The following TUSC3 variants were observed in gnomAD, a reference collection of about 807,000 sequenced individuals.
TUSC3 encodes dolichyl-diphosphooligosaccharide--protein glycosyltransferase subunit TUSC3.
In TUSC3, 45 loss-of-function variants were observed where a neutral mutation model predicts 44.8. The ratio of observed to expected loss-of-function variants is 1.00; its 90% confidence interval spans 0.79 to 1.29. The LOEUF (loss-of-function observed/expected upper bound fraction) is 1.29. Among genes scored for constraint, TUSC3 ranks in the 50% most tolerant of loss-of-function variants. TUSC3 has a pLI of 0.00. For missense variants in TUSC3, 519 were observed against 437.9 expected (o/e 1.19, Z -1.65); for synonymous variants, 212 against 152.9 (o/e 1.39, Z -2.85).
At chr8:15,575,100 T>C (rs559896117) in intron 1 of TUSC3, among the ~76,000 whole-genome samples, 1 of 152,292 alleles carries the variant, frequency 6.6e-6, no homozygotes, top group African/African-American at 2.4e-5. Flanking sequence ...TATTATTAGA[T>C]TGTCATGTAA....
intron 1 of TUSC3, among the ~76,000 whole-genome samples, chr8:15,612,558 CTTGT>C (rs1263087410): frequency 1.3e-5 from 2 of 152,114 alleles, no homozygotes; most frequent in East Asian, 3.9e-4. Context: ...ATTATGCCAG[CTTGT>C]TTATTATACT....
chr8:15,529,387 A>G (rs1801421890), intron 2 of TUSC3, among the ~76,000 whole-genome samples: 1 of 152,230 alleles, frequency 6.6e-6, no homozygotes, highest in Non-Finnish European at 1.5e-5. Flanking sequence ...AATATGGAAA[A>G]TGGCATTAAG....
chr8:15,460,308 C>T (rs775484803), intron 1 of TUSC3, among the ~76,000 whole-genome samples: 4 of 151,900 alleles, frequency 2.6e-5, no homozygotes, highest in East Asian at 1.9e-4. Flanking sequence ...GCATTTTTTT[C>T]GTATATTTGT....
intron 1 of TUSC3, among the ~76,000 whole-genome samples, chr8:15,472,205 A>C (rs933891573): frequency 4.6e-5 from 7 of 152,222 alleles, no homozygotes; most frequent in Non-Finnish European, 8.8e-5. Flanking sequence ...GTCTTAACTT[A>C]ATGCCTAAAA....
the TUSC3 span, among the ~76,000 whole-genome samples, chr8:15,790,903 A>C: frequency 6.6e-6 from 1 of 152,170 alleles, no homozygotes; most frequent in African/African-American, 2.4e-5. Context: ...CTTCTCAAGG[A>C]GTAGATACTG....
At chr8:15,435,429 C>T (rs1563250166) in intron 1 of TUSC3, among the ~76,000 whole-genome samples, 1 of 152,024 alleles carries the variant, frequency 6.6e-6, no homozygotes, top group South Asian at 2.1e-4. Context: ...AATACATAAA[C>T]TTAAGGAATA....
At chr8:15,826,247 T>C in the TUSC3 span, among the ~76,000 whole-genome samples, 2 of 152,276 alleles carry the variant, frequency 1.3e-5, no homozygotes, top group African/African-American at 4.8e-5. Context: ...AAATTTATGG[T>C]ACTACTCTGG....
chr8:15,661,435 A>T (rs529783955), intron 4 of TUSC3, among the ~76,000 whole-genome samples: 1 of 152,090 alleles, frequency 6.6e-6, no homozygotes, highest in Admixed American at 6.6e-5. Context: ...AAATAGAGTG[A>T]TCCTCATTTG....
intron 2 of TUSC3, among the ~76,000 whole-genome samples, chr8:15,648,612 GC>G (rs748293498): frequency 1.3e-5 from 2 of 151,200 alleles, no homozygotes; most frequent in Non-Finnish European, 2.9e-5. Flanking sequence ...TGTAGTCCCA[GC>G]TACTCGGGAG....
At chr8:15,649,188 A>G (rs1038227699) in intron 2 of TUSC3, among the ~76,000 whole-genome samples, 4 of 152,182 alleles carry the variant, frequency 2.6e-5, no homozygotes, top group African/African-American at 7.2e-5. Flanking sequence ...AAGAAATCAC[A>G]TAAGGTTTTC....
At chr8:15,625,381 T>C (rs1371263613) in intron 2 of TUSC3, among the ~76,000 whole-genome samples, 2 of 152,204 alleles carry the variant, frequency 1.3e-5, no homozygotes, top group African/African-American at 2.4e-5. Context: ...ATGTTACCTA[T>C]TTTAATTTTT....
chr8:15,540,604 G>T, intron 1 of TUSC3, 36 bp downstream of exon 1: 1 of 1,518,098 alleles, frequency 6.6e-7, no homozygotes, highest in Non-Finnish European at 8.9e-7. Flanking sequence ...CCTGTGGGCG[G>T]GGGCGGGCCA....
At chr8:15,721,771 A>C (rs971673444) in intron 6 of TUSC3, among the ~76,000 whole-genome samples, 2 of 152,124 alleles carry the variant, frequency 1.3e-5, no homozygotes, top group African/African-American at 4.8e-5. Context: ...TAAGCAGTTC[A>C]GTCACAGGAC....
At chr8:15,777,798 T>C in the TUSC3 span, among the ~76,000 whole-genome samples, 1 of 152,164 alleles carries the variant, frequency 6.6e-6, no homozygotes, top group African/African-American at 2.4e-5. Flanking sequence ...TTTTAAAATA[T>C]TATATACAGA....
At chr8:15,549,702 G>T (rs1801989979) in intron 1 of TUSC3, among the ~76,000 whole-genome samples, 1 of 151,540 alleles carries the variant, frequency 6.6e-6, no homozygotes, top group African/African-American at 2.4e-5. Flanking sequence ...GAATTTTCAA[G>T]GGGAGTAAAA....
chr8:15,795,623 C>T, the TUSC3 span, among the ~76,000 whole-genome samples: 8 of 152,244 alleles, frequency 5.3e-5, no homozygotes, highest in African/African-American at 9.6e-5. Context: ...GTAAAAAATG[C>T]GTGGCTACAC....
intron 1 of TUSC3, among the ~76,000 whole-genome samples, chr8:15,600,181 C>A (rs1024581139): frequency 6.6e-6 from 1 of 151,706 alleles, no homozygotes; most frequent in African/African-American, 2.4e-5. Flanking sequence ...CTATAAAATT[C>A]TAATTCATTT....
At chr8:15,434,380 C>T (rs941775947) in intron 1 of TUSC3, among the ~76,000 whole-genome samples, 5 of 152,078 alleles carry the variant, frequency 3.3e-5, no homozygotes, top group African/African-American at 1.2e-4. Flanking sequence ...TATTTTCTTG[C>T]AACGCAAATT....
At chr8:15,755,771 G>A (rs1811903555) in intron 9 of TUSC3, among the ~76,000 whole-genome samples, 1 of 151,908 alleles carries the variant, frequency 6.6e-6, no homozygotes, top group Admixed American at 6.6e-5. Context: ...TGTTCAGAAA[G>A]GAAGAAATAT....
Sources: gnomAD v4.1 joint callset for allele counts (sites outside exome capture counted in the v4.1 genomes callset) on GRCh38, gnomAD v4.1.1 for gene constraint, MANE v1.5 for transcripts, NCBI Gene and HGNC (gene_info 2026-07-23, HGNC 2026-07-21) for gene names.